The following TACC1 variants were observed in gnomAD, a reference collection of about 807,000 sequenced individuals.
The protein encoded by TACC1 is transforming acidic coiled-coil containing protein 1.
Under a neutral mutation model 84.4 loss-of-function variants are expected in TACC1, and 48 were observed. The observed-to-expected ratio is 0.57, with a 90% CI of 0.45 to 0.72. TACC1 has a LOEUF of 0.72. TACC1 is among the 30% of genes least tolerant of loss of function. The pLI is 0.00. For missense variants in TACC1, 920 were observed against 973.0 expected (o/e 0.95, Z 0.72); for synonymous variants, 372 against 376.3 (o/e 0.99, Z 0.13).
At chr8:38,782,656 A>G (rs1471587873), upstream of TACC1, among the ~76,000 whole-genome samples, 1 of 152,230 alleles carries the variant, frequency 6.6e-6, no homozygotes, top group Non-Finnish European at 1.5e-5. Flanking sequence ...CTCCAAGATG[A>G]TATTCCTGTT....
intron 1 of TACC1, among the ~76,000 whole-genome samples, chr8:38,741,719 C>T (rs1027890335): frequency 6.6e-6 from 1 of 152,088 alleles, no homozygotes; most frequent in South Asian, 2.1e-4. Context: ...GTTTCAATAC[C>T]CAAACACTGC....
intron 3 of TACC1, among the ~76,000 whole-genome samples, chr8:38,775,558 G>C (rs1029055895): frequency 6.6e-6 from 1 of 152,180 alleles, no homozygotes; most frequent in Non-Finnish European, 1.5e-5. Flanking sequence ...TCATTTGGCA[G>C]AAGAAGGGAG....
chr8:38,807,144 T>C (rs1822952734), intron 2 of TACC1, among the ~76,000 whole-genome samples: 1 of 152,180 alleles, frequency 6.6e-6, no homozygotes, highest in Non-Finnish European at 1.5e-5. Flanking sequence ...TCTAAGCGTT[T>C]GCCAGCCCAC....
At chr8:38,831,876 G>T (rs568912704) in intron 6 of TACC1, among the ~76,000 whole-genome samples, 2 of 150,522 alleles carry the variant, frequency 1.3e-5, no homozygotes, top group African/African-American at 4.9e-5. Context: ...ACGCAATCTC[G>T]GCTCACTACA....
At chr8:38,786,962 C>G (rs937241307), upstream of TACC1, among the ~76,000 whole-genome samples, 3 of 152,094 alleles carry the variant, frequency 2.0e-5, no homozygotes, top group South Asian at 2.1e-4. Context: ...ACAGCGTGCC[C>G]CGGCTCAGAA....
In TACC1 at chr8:38,733,034, C is replaced by G. The variant is rs568638567; in HGVS notation, c.-675+4363C>G. On this transcript the variant is annotated intron_variant, in intron 1 of 14. Coordinates refer to the TACC1 transcript ENST00000518415. Reference sequence around the variant, plus strand: ...TCGGCACCGGACAGGAGATGCACGGCATAATTGCATCTGAGCAAGGAGACT... The same window carrying G: ...TCGGCACCGGACAGGAGATGCACGGGATAATTGCATCTGAGCAAGGAGACT... Among the ~76,000 whole-genome samples, 4 of 152,296 alleles carry G rather than the reference C, an allele frequency of 2.6e-5. No individual in the cohort carries two copies. The East Asian group carries it at 7.7e-4, about 29-fold the overall frequency.
At chr8:38,745,681 C>A (rs1807955073) in intron 3 of TACC1, among the ~76,000 whole-genome samples, 1 of 152,048 alleles carries the variant, frequency 6.6e-6, no homozygotes, top group Admixed American at 6.5e-5. Flanking sequence ...GTAGCTGGGA[C>A]TACAGGCGCA....
intron 6 of TACC1, 85 bp from the exon 7 acceptor site, chr8:38,836,077 A>C: frequency 6.4e-7 from 1 of 1,566,604 alleles, no homozygotes; most frequent in South Asian, 1.1e-5. Context: ...GATGTGATCA[A>C]TTTAGTAATG....
In TACC1 at chr8:38,819,931, G is replaced by A. The variant is rs1025772729; in HGVS notation, c.687G>A (p.Lys229=). ...CPELVPSRRS[K]LRKPKPVPLR... is the part of the protein sequence containing the mutation. ...AGCTTGTGCCCAGCAGAAGAAGCAA[G>A]CTGAGAAAGCCCAAGCCTGTCCCCC... The change falls in exon 3 of 13, where the codon AAG becomes AAA. Residue 229 remains lysine, a synonymous_variant. Transcript: ENST00000317827. 1 of 1,614,052 alleles carries A rather than the reference G, an allele frequency of 6.2e-7. No individual in the cohort carries two copies. Among genetic ancestry groups the A allele is most frequent in the African/African-American group, 1.3e-5 (1 of 74,938 alleles).
intron 1 of TACC1, among the ~76,000 whole-genome samples, chr8:38,741,243 C>A (rs1587108286): frequency 6.6e-6 from 1 of 151,866 alleles, no homozygotes; most frequent in Middle Eastern, 3.4e-3. Context: ...ACAACCTCCA[C>A]CTCCTGGGTT....
intron 2 of TACC1, among the ~76,000 whole-genome samples, chr8:38,819,022 C>T (rs1425135851): frequency 6.6e-6 from 1 of 152,094 alleles, no homozygotes; most frequent in African/African-American, 2.4e-5. Flanking sequence ...ATGATGTGCC[C>T]GTCTTGGCCT....
At chr8:38,761,014 T>C (rs1811111774) in intron 3 of TACC1, among the ~76,000 whole-genome samples, 1 of 152,236 alleles carries the variant, frequency 6.6e-6, no homozygotes, top group African/African-American at 2.4e-5. Flanking sequence ...ATTTGTGTGC[T>C]AATTCTACAA....
In TACC1 at chr8:38,820,454, C is replaced by G. The variant is rs753311664; in HGVS notation, c.1210C>G (p.Gln404Glu). ...FNPFGSHSVL[Q>E]NSPPLSSEGS... is the part of the protein sequence containing the mutation. The stretch of plus-strand genomic sequence containing the variant: ...CCCCTTTGGGAGCCACTCTGTTCTG[C>G]AGAACTCCCCACCCCTCTCTTCTGA... The change falls in exon 3 of 13, where the codon CAG becomes GAG. Residue 404 changes from glutamine to glutamate, a missense_variant. By Grantham distance (29) the Gln-to-Glu change is conservative. Coordinates refer to ENST00000317827, the MANE Select transcript of TACC1 (RefSeq NM_006283.3). 1.2e-6 allele frequency: 2 copies of G among 1,614,216 alleles called. No individual in the cohort carries two copies. The highest frequency in any genetic ancestry group is 2.2e-5 in the East Asian group (1 of 44,886).
chr8:38,770,043 G>T (rs1014110077), intron 3 of TACC1, among the ~76,000 whole-genome samples: 1 of 151,654 alleles, frequency 6.6e-6, no homozygotes, highest in Non-Finnish European at 1.5e-5. Flanking sequence ...CATGCGTGTG[G>T]TGTGTGTGTA....
intron 2 of TACC1, among the ~76,000 whole-genome samples, chr8:38,818,869 C>G (rs912824966): frequency 6.6e-6 from 1 of 151,790 alleles, no homozygotes; most frequent in Non-Finnish European, 1.5e-5. Context: ...CCTCCATCTC[C>G]CGGGTTCAAG....
intron 6 of TACC1, among the ~76,000 whole-genome samples, chr8:38,834,059 C>G (rs1370790868): frequency 6.6e-6 from 1 of 152,224 alleles, no homozygotes; most frequent in African/African-American, 2.4e-5. Flanking sequence ...ACACATTACT[C>G]CAACACTTAA....
chr8:38,825,781 T>C (rs1007172938), intron 4 of TACC1, among the ~76,000 whole-genome samples: 3 of 152,212 alleles, frequency 2.0e-5, no homozygotes, highest in African/African-American at 7.2e-5. Flanking sequence ...TGTCAGCTGA[T>C]AGGTCTAAAA....
chr8:38,728,938 T>C (rs2898679), intron 1 of TACC1, among the ~76,000 whole-genome samples: 15,889 of 152,234 alleles, frequency 0.1, 878 homozygotes, highest in South Asian at 0.14. Flanking sequence ...GAAGTAAATA[T>C]TGTGAATCCC....
chr8:38,780,092 A>G (rs1815628880), intron 3 of TACC1, among the ~76,000 whole-genome samples: 2 of 152,110 alleles, frequency 1.3e-5, no homozygotes, highest in Non-Finnish European at 2.9e-5. Flanking sequence ...AACCAAATCT[A>G]TCTTTATTTT....
Sources: allele counts gnomAD v4.1 joint callset (sites outside exome capture counted in the v4.1 genomes callset), GRCh38; gene constraint gnomAD v4.1.1; transcripts MANE v1.5; gene names NCBI Gene and HGNC (gene_info 2026-07-23, HGNC 2026-07-21).